Variants in ERICH1 observed in about 807,000 individuals in gnomAD.
ERICH1 encodes the protein glutamate-rich protein 1.
In ERICH1, 56 loss-of-function variants were observed where a neutral mutation model predicts 39.6. That is an observed-to-expected ratio of 1.41 (90% CI 1.14 to 1.77). The LOEUF (loss-of-function observed/expected upper bound fraction) is 1.77, where lower values mean the gene tolerates loss of function less well. ERICH1 is among the 40% of genes most tolerant of loss of function. The pLI, the probability that ERICH1 is intolerant of heterozygous loss-of-function variation, is 0.00. For missense variants in ERICH1, 826 were observed against 575.4 expected (o/e 1.44, Z -4.45); for synonymous variants, 313 against 223.6 (o/e 1.40, Z -3.57).
At chr8:705,322 C>A (rs184065463) in intron 2 of ERICH1, among the ~76,000 whole-genome samples, 11 of 152,374 alleles carry the variant, frequency 7.2e-5, no homozygotes, top group Non-Finnish European at 1.6e-4. Flanking sequence ...ACGGACACTG[C>A]GCGATGGCCC....
intron 3 of ERICH1, among the ~76,000 whole-genome samples, chr8:625,056 G>A (rs1339096612): frequency 2.0e-5 from 3 of 152,096 alleles, no homozygotes; most frequent in African/African-American, 4.8e-5. Flanking sequence ...GGCTTCCTGA[G>A]AACTCACTGC....
In ERICH1 at chr8:708,681, G is replaced by GTTTTTTTTTTGTTTTT. The variant is rs1563319316; in HGVS notation, c.169+7179_169+7180insAAAAACAAAAAAAAAA. 6.1e-4 allele frequency among the ~76,000 whole-genome samples: 40 copies of GTTTTTTTTTTGTTTTT among 65,776 alleles called. 3 individuals are homozygous for GTTTTTTTTTTGTTTTT. Among genetic ancestry groups the GTTTTTTTTTTGTTTTT allele is most frequent in the South Asian group, 2.5e-3 (4 of 1,616 alleles). 43.2% of individuals were successfully genotyped at this position (65,776 alleles called of 152,430 possible). ...GGGCTGAGTGGTTACGGGATAATGA[G>GTTTTTTTTTTGTTTTT]TTTTTTTTTTTTTTTTTTTTTTTTT... is the stretch of plus-strand genomic sequence containing the variant. On this transcript the variant is annotated intron_variant, in intron 2 of 5. Coordinates refer to ENST00000262109, the MANE Select transcript of ERICH1 (RefSeq NM_207332.3).
Position 674,121 on chromosome 8 carries a change from T to A in ERICH1, c.305-74A>T, listed in dbSNP as rs761669846. The A allele has an allele frequency of 1.3e-4, 194 of 1,453,690 alleles. No homozygotes were observed. The East Asian group carries it at 2.7e-3, about 21-fold the overall frequency. 90.0% of individuals were successfully genotyped at this position (1,453,690 alleles called of 1,614,324 possible). ...ACAAACATATTAGGCTAAATAAATTTTCCATCAGGATCTTGTAGTTTTAGT... is the reference window on the plus strand; with the variant it reads ...ACAAACATATTAGGCTAAATAAATTATCCATCAGGATCTTGTAGTTTTAGT... On this transcript the variant is annotated intron_variant, in intron 3 of 5. Transcript: ENST00000262109.
At position 700,237 on chromosome 8, in the gene ERICH1, C is replaced by CCGCACACG. The variant is rs1563298170; in HGVS notation, c.170-7626_170-7625insCGTGTGCG. ...CACACACCCGCACACGCGCACAGGCCCGCACAGGCCCGCACACGCGCACAG... is the reference window on the plus strand; with the variant it reads ...CACACACCCGCACACGCGCACAGGCCCGCACACGCGCACAGGCCCGCACACGCGCACAG... On this transcript the variant is annotated intron_variant, in intron 2 of 5. Coordinates refer to ENST00000262109, the MANE Select transcript of ERICH1 (RefSeq NM_207332.3). 9.8e-5 allele frequency among the ~76,000 whole-genome samples: 4 copies of CCGCACACG among 40,790 alleles called. 2 individuals carry two copies. Among genetic ancestry groups the CCGCACACG allele is most frequent in the Non-Finnish European group, 2.3e-4 (4 of 17,416 alleles). The allele number at this position is 40,790 out of a possible 152,430, so 26.8% of individuals were successfully genotyped here.
chr8:649,599 G>A lies in ERICH1; in HGVS notation c.976+18999C>T, dbSNP rs569127198. On this transcript the variant is annotated intron_variant, in intron 3 of 3. Coordinates refer to the ERICH1 transcript ENST00000522706. The stretch of plus-strand genomic sequence containing the variant: ...GGATGTCCAGCACCGTACCTCTCTC[G>A]GGGGAGGGGGATTGGGGTGGGGCCG... 4.6e-5 allele frequency among the ~76,000 whole-genome samples: 7 copies of A among 152,202 alleles called. No individual in the cohort carries two copies. In the East Asian group the frequency reaches 1.2e-3, roughly 25 times the overall value.
intron 1 of ERICH1, among the ~76,000 whole-genome samples, chr8:728,178 T>C (rs1250111420): frequency 6.6e-6 from 1 of 152,012 alleles, no homozygotes; most frequent in East Asian, 1.9e-4. Context: ...CAGAGCCAAA[T>C]CCCTCACAAT....
chr8:639,009 C>T (rs896197400), intron 3 of ERICH1, among the ~76,000 whole-genome samples: 5 of 152,082 alleles, frequency 3.3e-5, no homozygotes, highest in African/African-American at 9.7e-5. Context: ...CACCGCCCCA[C>T]CTGCCCACAA....
At chr8:686,398 T>C (rs1048702199) in intron 3 of ERICH1, among the ~76,000 whole-genome samples, 2 of 152,014 alleles carry the variant, frequency 1.3e-5, no homozygotes, top group African/African-American at 4.8e-5. Context: ...CGAAAATAAA[T>C]GGCAATAAGA....
At chr8:722,994 C>A (rs1817690616) in intron 1 of ERICH1, among the ~76,000 whole-genome samples, 1 of 152,228 alleles carries the variant, frequency 6.6e-6, no homozygotes, top group South Asian at 2.1e-4. Context: ...CCCATGGTGA[C>A]ATGTGAGCTC....
intron 4 of ERICH1, among the ~76,000 whole-genome samples, 169 bp downstream of exon 4, chr8:673,120 C>G (rs1391617961): frequency 2.0e-5 from 3 of 152,212 alleles, no homozygotes; most frequent in Non-Finnish European, 2.9e-5. Flanking sequence ...TGCCTTATAA[C>G]TAATTATTTA....
intron 3 of ERICH1, chr8:656,796 T>C (rs1563195632): frequency 6.1e-6 from 6 of 985,436 alleles, no homozygotes; most frequent in Non-Finnish European, 6.0e-6. Flanking sequence ...GTTCCCAGAC[T>C]CCCAGCCTCA....
chr8:665,764 T>C (rs895174019), intron 5 of ERICH1, among the ~76,000 whole-genome samples: 4 of 152,100 alleles, frequency 2.6e-5, no homozygotes, highest in African/African-American at 9.7e-5. Flanking sequence ...GCAGCCCCCA[T>C]GACTGAGGAA....
chr8:662,005 C>T (rs1380435408), downstream of ERICH1, among the ~76,000 whole-genome samples: 1 of 152,164 alleles, frequency 6.6e-6, no homozygotes, highest in Non-Finnish European at 1.5e-5. Context: ...ACCCACCACC[C>T]CTGCAATGGC....
At chr8:714,741 G>A (rs760037551) in intron 2 of ERICH1, among the ~76,000 whole-genome samples, 3 of 68,638 alleles carry the variant, frequency 4.4e-5, no homozygotes, top group Admixed American at 1.5e-4. Context: ...GGCCTCTTCC[G>A]GCATCTCTCG....
intron 5 of ERICH1, among the ~76,000 whole-genome samples, chr8:665,235 TGGCTCCGACCTCTGAGCCCACTGGTCCCC>T (rs1245216357): frequency 1.2e-4 from 18 of 152,118 alleles, no homozygotes; most frequent in South Asian, 2.1e-4. Context: ...GGCAGGGACA[TGGCTCCGACCTCTGAGCCCACTGGTCCCC>T]GGCTCCGACC....
intron 1 of ERICH1, among the ~76,000 whole-genome samples, chr8:719,131 G>T (rs561893021): frequency 1.3e-5 from 2 of 152,176 alleles, no homozygotes; most frequent in African/African-American, 4.8e-5. Context: ...CGACCCTCGG[G>T]GCTTTGCCAC....
At chr8:641,975 G>C (rs995227848) in intron 3 of ERICH1, among the ~76,000 whole-genome samples, 1 of 152,232 alleles carries the variant, frequency 6.6e-6, no homozygotes, top group African/African-American at 2.4e-5. Flanking sequence ...TTAAAGAATA[G>C]ATTCGCAGCT....
chr8:616,942 GGGAGAGGGAGACAGAGACAC>G (rs1796953630), intron 3 of ERICH1, among the ~76,000 whole-genome samples: 1 of 53,012 alleles, frequency 1.9e-5, no homozygotes. Flanking sequence ...GAGAGAGAGA[GGGAGAGGGAGACAGAGACAC>G]ACAGAGAGAG....
chr8:618,510 T>C (rs530505326), intron 3 of ERICH1, among the ~76,000 whole-genome samples: 1 of 152,344 alleles, frequency 6.6e-6, no homozygotes, highest in South Asian at 2.1e-4. Context: ...GTGCATGGCA[T>C]AAGCTCAGTG....
Sources: gnomAD v4.1 joint callset for allele counts (sites outside exome capture counted in the v4.1 genomes callset) on GRCh38, gnomAD v4.1.1 for gene constraint, MANE v1.5 for transcripts, NCBI Gene and HGNC (gene_info 2026-07-23, HGNC 2026-07-21) for gene names.